PTX3: variants seen among roughly 807,000 people sequenced by gnomAD.
PTX3 encodes pentraxin-related protein PTX3.
In PTX3, 24 loss-of-function variants were observed where a neutral mutation model predicts 23.5. The observed-to-expected ratio is 1.02, with a 90% CI of 0.74 to 1.43. The LOEUF (loss-of-function observed/expected upper bound fraction) is 1.43. Ranked by LOEUF, PTX3 falls within the 40% of genes most tolerant of loss-of-function variation. PTX3 has a pLI of 0.00. For missense variants in PTX3, 510 were observed against 497.5 expected (o/e 1.02, Z -0.24); for synonymous variants, 218 against 205.4 (o/e 1.06, Z -0.53).
In PTX3 at chr3:157,443,369, A is replaced by G. The variant is rs1734290020; in HGVS notation, c.*390A>G. ...AATAACAAAATAAGATTTGTTGTCC[A>G]TTGTTCATTGTTATTGGTATGTACC... is the stretch of plus-strand genomic sequence containing the variant. On this transcript the variant is annotated 3_prime_UTR_variant, in exon 3 of 3. Coordinates refer to ENST00000295927, the MANE Select transcript of PTX3 (RefSeq NM_002852.4). 1 of 174,556 alleles carries G rather than the reference A, an allele frequency of 5.7e-6. No individual in the cohort carries two copies. The highest frequency in any genetic ancestry group is 1.2e-5 in the Non-Finnish European group (1 of 81,388). The allele number at this position is 174,556 out of a possible 1,614,324, so 10.8% of individuals were successfully genotyped here.
At chr3:157,440,258 C>A (rs1178334552) in intron 2 of PTX3, among the ~76,000 whole-genome samples, 2 of 152,024 alleles carry the variant, frequency 1.3e-5, no homozygotes, top group African/African-American at 4.8e-5. Context: ...CATGACAGAG[C>A]CAGTTTTGTG....
rs1334747905 is a variant in PTX3, at chr3:157,437,845, G to T, written c.463G>T (p.Glu155Ter). 1 of 1,496,996 alleles carries T rather than the reference G, an allele frequency of 6.7e-7. No individual in the cohort carries two copies. The highest frequency in any genetic ancestry group is 1.2e-5 in the South Asian group (1 of 80,686). The allele number at this position is 1,496,996 out of a possible 1,614,324, so 92.7% of individuals were successfully genotyped here. ...AGRALAAVLE[E>*]LRQTRADLHA... is the part of the protein sequence containing the mutation. ...GCGCGCCCTGGCCGCGGTGCTAGAGGAGCTGCGGCAGACGCGAGCCGACCT... is the reference window on the plus strand; with the variant it reads ...GCGCGCCCTGGCCGCGGTGCTAGAGTAGCTGCGGCAGACGCGAGCCGACCT... The change falls in exon 2 of 3, where the codon GAG becomes TAG. Residue 155 changes from glutamate to a stop codon, truncating the protein, a stop_gained. Transcript: ENST00000295927. LOFTEE classifies it high-confidence loss of function.
At position 157,437,777 on chromosome 3, in the gene PTX3, C is replaced by A. The variant is rs761139276; in HGVS notation, c.395C>A (p.Ala132Glu). 4.1e-6 allele frequency: 6 copies of A among 1,481,008 alleles called. No homozygotes were observed. Among genetic ancestry groups the A allele is most frequent in the South Asian group, 2.6e-5 (2 of 76,858 alleles). 91.7% of individuals were successfully genotyped at this position (1,481,008 alleles called of 1,614,324 possible). The change falls in exon 2 of 3, where the codon GCG becomes GAG. Residue 132 changes from alanine (A) to glutamate (E), a missense_variant. Ala to Glu is a moderately radical substitution (Grantham distance 107). Coordinates refer to ENST00000295927, the MANE Select transcript of PTX3 (RefSeq NM_002852.4). ...QATRDAGRRLARMEGAEAQRP... is the reference protein window; with the variant it reads ...QATRDAGRRLERMEGAEAQRP... ...ACCCGCGACGCGGGCCGCAGGCTGGCGCGTATGGAGGGCGCGGAGGCGCAG... is the reference window on the plus strand; with the variant it reads ...ACCCGCGACGCGGGCCGCAGGCTGGAGCGTATGGAGGGCGCGGAGGCGCAG...
chr3:157,443,063 C>T lies in PTX3; in HGVS notation c.*84C>T, dbSNP rs1350152525. The T allele has an allele frequency of 4.8e-6, 7 of 1,455,388 alleles. No individual in the cohort carries two copies. Among genetic ancestry groups the T allele is most frequent in the Non-Finnish European group, 4.6e-6 (5 of 1,082,636 alleles). 90.2% of individuals were successfully genotyped at this position (1,455,388 alleles called of 1,614,324 possible). A position where few individuals can be genotyped will look rare whatever the true frequency, so the allele number is the denominator to read the frequency against. On this transcript the variant is annotated 3_prime_UTR_variant, in exon 3 of 3. Transcript: ENST00000295927. The stretch of plus-strand genomic sequence containing the variant: ...GTTGGGAAGGTCTGAAAACTCAGTG[C>T]ATAATAGGAACACTTGAGACTAATG...
At position 157,437,752 on chromosome 3, in the gene PTX3, AC is replaced by A; in HGVS notation, c.373del (p.Arg125AlafsTer29). 1 of 1,490,286 alleles carries A rather than the reference AC, an allele frequency of 6.7e-7. No individual in the cohort carries two copies. Among genetic ancestry groups the A allele is most frequent in the Non-Finnish European group, 8.8e-7 (1 of 1,130,220 alleles). The allele number at this position is 1,490,286 out of a possible 1,614,324, so 92.3% of individuals were successfully genotyped here. A position where few individuals can be genotyped will look rare whatever the true frequency, so the allele number is the denominator to read the frequency against. ...TGCTCTGGACGAGCTGCTGCAGGCG[AC>A]CCGCGACGCGGGCCGCAGGCTGGCG... ...TSALDELLQA[T>X]RDAGRRLARM... On this transcript the variant is annotated frameshift_variant, in exon 2 of 3. Transcript: ENST00000295927. LOFTEE classifies it high-confidence loss of function.
rs1195663491 is a variant in PTX3 at position 157,436,864 on chromosome 3, C to T, written c.-70C>T. 12 of 1,546,258 alleles carry T rather than the reference C, an allele frequency of 7.8e-6. No homozygotes were observed. The East Asian group carries it at 2.7e-4, about 35-fold the overall frequency. On this transcript the variant is annotated 5_prime_UTR_variant, in exon 1 of 3. Transcript: ENST00000295927. ...TCCAGCCTCTCACTCTCACTCTCCT[C>T]CGCTCAAACTCAGCTCACTTGAGAG...
rs1198668281 is a variant in PTX3, at chr3:157,443,052, A to C, written c.*73A>C. ...AACACATGCCAGTTGGGAAGGTCTG[A>C]AAACTCAGTGCATAATAGGAACACT... On this transcript the variant is annotated 3_prime_UTR_variant, in exon 3 of 3. Coordinates refer to ENST00000295927, the MANE Select transcript of PTX3 (RefSeq NM_002852.4). 1 of 1,509,600 alleles carries C rather than the reference A, an allele frequency of 6.6e-7. No homozygotes were observed. Among genetic ancestry groups the C allele is most frequent in the Admixed American group, 2.2e-5 (1 of 45,212 alleles). 93.5% of individuals were successfully genotyped at this position (1,509,600 alleles called of 1,614,324 possible).
At chr3:157,441,742 G>A (rs911589305) in intron 2 of PTX3, among the ~76,000 whole-genome samples, 2 of 151,432 alleles carry the variant, frequency 1.3e-5, no homozygotes, top group African/African-American at 2.4e-5. Context: ...CCTGGGAAGC[G>A]AAGGTTGCCG....
rs1275341269 is a variant in PTX3 at position 157,437,902 on chromosome 3, T to C, written c.520T>C (p.Trp174Arg). Residue 174 changes from tryptophan to arginine, a missense_variant, in exon 2 of 3, where the codon TGG becomes CGG. Physicochemically the swap from Trp to Arg is moderately radical, Grantham distance 101. Transcript: ENST00000295927. ...HAVQGWAARS[W>R]LPAGCETAIL... ...GGTGCAGGGCTGGGCTGCCCGGAGC[T>C]GGCTGCCGGCAGGTAAGGAGGCAAG... 2 of 1,522,918 alleles carry C rather than the reference T, an allele frequency of 1.3e-6. No homozygotes were observed. Among genetic ancestry groups the C allele is most frequent in the Non-Finnish European group, 1.7e-6 (2 of 1,143,060 alleles). 94.3% of individuals were successfully genotyped at this position (1,522,918 alleles called of 1,614,324 possible). A position where few individuals can be genotyped will look rare whatever the true frequency, so the allele number is the denominator to read the frequency against.
At position 157,437,670 on chromosome 3, in the gene PTX3, G is replaced by A. The variant is rs1212342836; in HGVS notation, c.288G>A (p.Ala96=). 1.3e-6 allele frequency: 2 copies of A among 1,538,554 alleles called. No individual in the cohort carries two copies. The highest frequency in any genetic ancestry group is 1.4e-5 in the African/African-American group (1 of 72,884). ...QRLREELGRL[A]ESLARPCAPG... is the part of the protein sequence containing the mutation. ...TGCGGGAGGAGCTGGGCCGGCTCGC[G>A]GAAAGCCTGGCGAGGCCGTGCGCGC... Residue 96 remains alanine (A), a synonymous_variant, in exon 2 of 3, where the codon GCG becomes GCA. Transcript: ENST00000295927.
Sources: allele counts gnomAD v4.1 joint callset (sites outside exome capture counted in the v4.1 genomes callset), GRCh38; gene constraint gnomAD v4.1.1; transcripts MANE v1.5; gene names NCBI Gene and HGNC (gene_info 2026-07-23, HGNC 2026-07-21).